Variants in SCGN observed in about 807,000 individuals in gnomAD.
The protein encoded by SCGN is secretagogin.
SCGN carries 30 observed loss-of-function variants against 39.7 expected under a neutral mutation model. The observed-to-expected ratio is 0.76, with a 90% confidence interval of 0.57 to 1.03. The LOEUF is 1.03. SCGN is among the 50% of genes least tolerant of loss of function. The pLI is 0.00. For synonymous variants in SCGN, 106 were observed against 114.1 expected (o/e 0.93, Z 0.45); for missense variants, 353 against 349.4 (o/e 1.01, Z -0.08).
chr6:25,693,248 G>C (rs963318530), intron 10 of SCGN, among the ~76,000 whole-genome samples: 1 of 151,930 alleles, frequency 6.6e-6, no homozygotes, highest in Admixed American at 6.6e-5. Flanking sequence ...TCAGGAGATC[G>C]AGACCATCCT....
intron 7 of SCGN, among the ~76,000 whole-genome samples, chr6:25,682,517 G>T (rs1759650292): frequency 6.6e-6 from 1 of 152,220 alleles, no homozygotes; most frequent in African/African-American, 2.4e-5. Flanking sequence ...AATGTTGTCT[G>T]TGAGTCTGGT....
intron 4 of SCGN, among the ~76,000 whole-genome samples, chr6:25,665,337 G>A (rs1243092261): frequency 6.6e-6 from 1 of 152,158 alleles, no homozygotes; most frequent in Non-Finnish European, 1.5e-5. Flanking sequence ...GGGGACTATG[G>A]AAATTGGAGA....
At chr6:25,668,242 C>A (rs1026318746) in intron 4 of SCGN, among the ~76,000 whole-genome samples, 2 of 151,840 alleles carry the variant, frequency 1.3e-5, no homozygotes, top group Admixed American at 6.6e-5. Flanking sequence ...CTTACTGTAA[C>A]CTTTCATTTT....
intron 2 of SCGN, among the ~76,000 whole-genome samples, chr6:25,658,652 A>G (rs908454936): frequency 3.7e-4 from 56 of 152,192 alleles, no homozygotes; most frequent in African/African-American, 1.3e-3. Flanking sequence ...ATTTTTTCAC[A>G]AAGAGACTCA....
chr6:25,693,488 G>A (rs1720699149), intron 10 of SCGN, among the ~76,000 whole-genome samples: 2 of 147,770 alleles, frequency 1.4e-5, no homozygotes, highest in Admixed American at 1.3e-4. Flanking sequence ...GAACAAAGCT[G>A]CTGTAATCTT....
chr6:25,680,546 G>A (rs1217664594), intron 6 of SCGN, among the ~76,000 whole-genome samples: 1 of 152,190 alleles, frequency 6.6e-6, no homozygotes, highest in African/African-American at 2.4e-5. Context: ...CTTGGAGTAA[G>A]TTTGCACAGC....
intron 1 of SCGN, among the ~76,000 whole-genome samples, chr6:25,652,875 T>A (rs1760159220): frequency 6.6e-6 from 1 of 152,172 alleles, no homozygotes; most frequent in Non-Finnish European, 1.5e-5. Context: ...GTGACTTTGC[T>A]GTACACCCCT....
At chr6:25,696,281 T>C (rs1046322965) in intron 10 of SCGN, among the ~76,000 whole-genome samples, 1 of 152,200 alleles carries the variant, frequency 6.6e-6, no homozygotes, top group African/African-American at 2.4e-5. Flanking sequence ...ATAACCTCTA[T>C]GTTCTAACAG....
intron 10 of SCGN, among the ~76,000 whole-genome samples, 176 bp downstream of exon 10, chr6:25,691,300 A>C (rs1391394084): frequency 6.6e-6 from 1 of 152,216 alleles, no homozygotes; most frequent in East Asian, 1.9e-4. Flanking sequence ...CGCTTTCTTA[A>C]GATTGTAGTT....
intron 7 of SCGN, among the ~76,000 whole-genome samples, chr6:25,684,313 C>T (rs1391868061): frequency 6.6e-6 from 1 of 152,126 alleles, no homozygotes; most frequent in Non-Finnish European, 1.5e-5. Flanking sequence ...TAGTATAGTA[C>T]AGTCTTCCCT....
rs564896838 is a variant in SCGN at position 25,669,558 on chromosome 6, T to G, written c.384T>G (p.Ala128=). 2.5e-6 allele frequency: 4 copies of G among 1,613,344 alleles called. No homozygotes were observed. In the South Asian group the frequency reaches 4.4e-5, roughly 18 times the overall value. Residue 128 remains alanine (A), a synonymous_variant, in exon 5 of 11, where the codon GCT becomes GCG. Coordinates refer to ENST00000377961, the MANE Select transcript of SCGN (RefSeq NM_006998.4). ...DADSSGFISA[A]ELRNFLRDLF... Reference sequence around the variant, plus strand: ...ACAGCAGTGGCTTTATATCAGCTGCTGAGCTCCGCGTGAGTGTCACTGGGT... The same window carrying G: ...ACAGCAGTGGCTTTATATCAGCTGCGGAGCTCCGCGTGAGTGTCACTGGGT...
intron 2 of SCGN, among the ~76,000 whole-genome samples, chr6:25,659,730 A>C (rs1285565924): frequency 6.6e-6 from 1 of 152,200 alleles, no homozygotes; most frequent in Non-Finnish European, 1.5e-5. Context: ...ACTCACTGGA[A>C]AACATTTGCC....
intron 2 of SCGN, among the ~76,000 whole-genome samples, 155 bp downstream of exon 2, chr6:25,653,607 T>C (rs566409124): frequency 6.6e-6 from 1 of 152,304 alleles, no homozygotes; most frequent in East Asian, 1.9e-4. Flanking sequence ...TAGAGGGATT[T>C]AGGCAGTTTT....
chr6:25,681,988 A>C lies in SCGN; in HGVS notation c.509A>C (p.Asp170Ala). Residue 170 changes from aspartate to alanine, a missense_variant, in exon 7 of 11, where the codon GAT becomes GCT. Transcript: ENST00000377961. ...IFDRNKDGRL[D>A]LNDLARILAL... ...GACAGAAATAAAGATGGTCGGTTGG[A>C]TCTAAATGACTTAGCAAGGTGAGTT... The C allele has an allele frequency of 6.2e-7, 1 of 1,613,466 alleles. No homozygotes were observed. Among genetic ancestry groups the C allele is most frequent in the East Asian group, 2.2e-5 (1 of 44,864 alleles).
At chr6:25,666,320 A>G (rs1404879155) in intron 4 of SCGN, among the ~76,000 whole-genome samples, 2 of 152,004 alleles carry the variant, frequency 1.3e-5, no homozygotes, top group African/African-American at 2.4e-5. Flanking sequence ...GCACCATTGC[A>G]CTCCAGCCTC....
At chr6:25,670,180 A>T in intron 6 of SCGN, 104 bp downstream of exon 6, 1 of 829,588 alleles carries the variant, frequency 1.2e-6, no homozygotes, top group Non-Finnish European at 2.1e-6. Flanking sequence ...GAAATTGAAG[A>T]CTAAATGAAT....
intron 4 of SCGN, among the ~76,000 whole-genome samples, chr6:25,667,990 C>G (rs79169315): frequency 0.013 from 1,967 of 152,272 alleles, 27 homozygotes; most frequent in African/African-American, 0.034. Context: ...GATTTTGTAA[C>G]TGGACTAAAT....
chr6:25,663,105 C>T (rs1037044263), intron 3 of SCGN, among the ~76,000 whole-genome samples: 7 of 152,208 alleles, frequency 4.6e-5, no homozygotes, highest in Non-Finnish European at 8.8e-5. Flanking sequence ...TGGTGCAAGA[C>T]TGCATCGTTC....
Position 25,691,068 on chromosome 6 carries a change from G to C in SCGN, c.646G>C (p.Ala216Pro). The change falls in exon 10 of 11, where the codon GCC (alanine) becomes CCC (proline). Residue 216 changes from alanine to proline, a missense_variant. Ala to Pro is a conservative substitution (Grantham distance 27). Transcript: ENST00000377961. ...FAYYDVSKTG[A>P]LEGPEVDGFV... The stretch of plus-strand genomic sequence containing the variant: ...TTTTCTTTTTCAGAGTAAAACAGGA[G>C]CCCTGGAAGGCCCAGAAGTGGATGG... The C allele has an allele frequency of 1.2e-6, 2 of 1,613,700 alleles. No individual in the cohort carries two copies. Among genetic ancestry groups the C allele is most frequent in the Non-Finnish European group, 1.7e-6 (2 of 1,179,722 alleles).
Sources: gnomAD v4.1 joint callset for allele counts (sites outside exome capture counted in the v4.1 genomes callset) on GRCh38, gnomAD v4.1.1 for gene constraint, MANE v1.5 for transcripts, NCBI Gene and HGNC (gene_info 2026-07-23, HGNC 2026-07-21) for gene names.